DOCK2: variants seen among roughly 807,000 people sequenced by gnomAD.
DOCK2 encodes the protein dedicator of cytokinesis protein 2.
In DOCK2, 87 loss-of-function variants were observed where a neutral mutation model predicts 248.9. The ratio of observed to expected loss-of-function variants is 0.35; its 90% confidence interval spans 0.29 to 0.42. The LOEUF (loss-of-function observed/expected upper bound fraction) is 0.42. Ranked by LOEUF, DOCK2 falls within the 10% of genes least tolerant of loss-of-function variation. The probability of loss-of-function intolerance (pLI) is 1.00; values close to 1 mark genes in which losing one functional copy is unlikely to be tolerated. For missense variants in DOCK2, 1,747 were observed against 2,300.2 expected (o/e 0.76, Z 4.92); for synonymous variants, 805 against 821.6 (o/e 0.98, Z 0.35).
intron 27 of DOCK2, among the ~76,000 whole-genome samples, chr5:169,911,876 A>T (rs777713435): frequency 6.6e-6 from 1 of 152,222 alleles, no homozygotes; most frequent in Non-Finnish European, 1.5e-5. Context: ...TGCTGGGAAA[A>T]ATAATGCCCC....
rs115787877 is a variant in DOCK2, at chr5:170,020,503, G to A, written c.3381+1395G>A. On this transcript the variant is annotated intron_variant, in intron 33 of 51. Transcript: ENST00000520908. Reference sequence around the variant, plus strand: ...GACTTTAGATATTTACTACATATCAGGCATATGACACCTATTTTCTATGTA... The same window carrying A: ...GACTTTAGATATTTACTACATATCAAGCATATGACACCTATTTTCTATGTA... Among the ~76,000 whole-genome samples, 342 of 152,222 alleles carry A rather than the reference G, an allele frequency of 2.2e-3. 1 individual carries two copies. The highest frequency in any genetic ancestry group is 7.9e-3 in the African/African-American group (329 of 41,542).
rs142207778 is a variant in DOCK2, at chr5:169,855,413, G to C, written c.2799+14561G>C. The stretch of plus-strand genomic sequence containing the variant: ...CTGACTTTTTGGAAAGTGGCAAGGA[G>C]ATGGGGTTGGGGGAAGTAGACCAGT... On this transcript the variant is annotated intron_variant, in intron 27 of 51. Transcript: ENST00000520908. Among the ~76,000 whole-genome samples, 813 of 152,320 alleles carry C rather than the reference G, an allele frequency of 5.3e-3. 9 individuals carry two copies. Among genetic ancestry groups the C allele is most frequent in the African/African-American group, 0.017 (720 of 41,558 alleles).
chr5:169,975,573 A>G (rs11134601), intron 27 of DOCK2, among the ~76,000 whole-genome samples: 34,643 of 151,858 alleles, frequency 0.23, 4,715 homozygotes, highest in East Asian at 0.42. Flanking sequence ...CTTTGCATCT[A>G]CTGTTCTGCC....
At chr5:169,982,879 C>T (rs117200076) in intron 27 of DOCK2, among the ~76,000 whole-genome samples, 189 bp from the exon 28 acceptor site, 33 of 152,282 alleles carry the variant, frequency 2.2e-4, no homozygotes, top group African/African-American at 5.8e-4. Context: ...CCCCAGTGTG[C>T]GAACAGCAGG....
At chr5:170,030,816 T>C (rs766614118) in intron 34 of DOCK2, among the ~76,000 whole-genome samples, 9 of 152,200 alleles carry the variant, frequency 5.9e-5, no homozygotes, top group Non-Finnish European at 1.2e-4. Flanking sequence ...CCAGCCCCTC[T>C]TTCAGGGCCT....
At chr5:169,727,009 A>C (rs1762508258) in intron 22 of DOCK2, among the ~76,000 whole-genome samples, 1 of 151,770 alleles carries the variant, frequency 6.6e-6, no homozygotes. Context: ...TGGAGGTTGC[A>C]GTGAGCTGAG....
chr5:169,682,148 G>A (rs566527955), intron 7 of DOCK2, among the ~76,000 whole-genome samples: 16 of 152,318 alleles, frequency 1.1e-4, no homozygotes, highest in South Asian at 4.1e-4. Flanking sequence ...GAAGAAAGGC[G>A]ATAACAAAGT....
intron 26 of DOCK2, among the ~76,000 whole-genome samples, chr5:169,828,975 C>T (rs543135351): frequency 2.0e-5 from 3 of 152,086 alleles, no homozygotes; most frequent in Non-Finnish European, 4.4e-5. Flanking sequence ...GGGGCAGCTC[C>T]GAGTGGATTA....
intron 30 of DOCK2, among the ~76,000 whole-genome samples, chr5:170,006,223 G>A (rs1413054870): frequency 1.3e-5 from 2 of 152,232 alleles, no homozygotes; most frequent in Admixed American, 6.5e-5. Context: ...GTTTACATAA[G>A]CAACGTTGCT....
chr5:169,679,316 T>C (rs1759522621), intron 6 of DOCK2, among the ~76,000 whole-genome samples: 2 of 152,210 alleles, frequency 1.3e-5, no homozygotes, highest in Admixed American at 6.5e-5. Context: ...AAGAGAGCAC[T>C]GGGGTTACAT....
At position 169,985,928 on chromosome 5, in the gene DOCK2, C is replaced by A. The variant is rs770709591; in HGVS notation, c.2993+6C>A. 6.2e-7 allele frequency: 1 copy of A among 1,600,684 alleles called. No homozygotes were observed. Among genetic ancestry groups the A allele is most frequent in the Non-Finnish European group, 8.5e-7 (1 of 1,172,100 alleles). On this transcript the variant is annotated splice_donor_region_variant and intron_variant, in intron 29 of 51. Transcript: ENST00000520908. ...ATGAGCATGGTTCAAAACAGGTGAGCTGCTACCTGCTTCCGCAAAGCTACC... is the reference window on the plus strand; with the variant it reads ...ATGAGCATGGTTCAAAACAGGTGAGATGCTACCTGCTTCCGCAAAGCTACC...
intron 6 of DOCK2, among the ~76,000 whole-genome samples, 154 bp downstream of exon 6, chr5:169,674,599 G>T (rs1431325073): frequency 6.6e-6 from 1 of 152,170 alleles, no homozygotes; most frequent in African/African-American, 2.4e-5. Flanking sequence ...GCGTGCCGTT[G>T]TTACCACCCC....
intron 27 of DOCK2, among the ~76,000 whole-genome samples, chr5:169,933,388 A>G (rs1184865927): frequency 6.6e-6 from 1 of 152,228 alleles, no homozygotes; most frequent in Non-Finnish European, 1.5e-5. Flanking sequence ...ATGGGCTGGC[A>G]TCCAAGGTCC....
At chr5:169,647,357 G>A (rs937114433) in intron 1 of DOCK2, among the ~76,000 whole-genome samples, 14 of 152,040 alleles carry the variant, frequency 9.2e-5, no homozygotes, top group Non-Finnish European at 2.1e-4. Context: ...TGGGTGGGTG[G>A]GTAGATGAGT....
chr5:169,849,042 A>C (rs530503425), intron 27 of DOCK2, among the ~76,000 whole-genome samples: 2 of 152,240 alleles, frequency 1.3e-5, no homozygotes, highest in Admixed American at 1.3e-4. Flanking sequence ...AACTCCTCCC[A>C]ACCCCAGTCC....
chr5:169,720,638 G>A (rs1762144190), intron 22 of DOCK2, among the ~76,000 whole-genome samples: 1 of 152,198 alleles, frequency 6.6e-6, no homozygotes, highest in Non-Finnish European at 1.5e-5. Context: ...CCATGAGATG[G>A]ACACTGAGCG....
At chr5:169,807,694 C>T (rs148837241) in intron 26 of DOCK2, among the ~76,000 whole-genome samples, 4,344 of 151,530 alleles carry the variant, frequency 0.029, 78 homozygotes, top group Non-Finnish European at 0.043. Flanking sequence ...ATTAGCTGGG[C>T]GTGGTGGTGG....
chr5:169,714,265 T>A (rs898818969), intron 18 of DOCK2, 54 bp downstream of exon 18: 1 of 1,605,802 alleles, frequency 6.2e-7, no homozygotes, highest in African/African-American at 1.3e-5. Flanking sequence ...TCCGTGTGTG[T>A]GTACATGTGT....
intron 27 of DOCK2, among the ~76,000 whole-genome samples, chr5:169,944,733 T>G (rs1030652067): frequency 5.3e-5 from 8 of 152,234 alleles, no homozygotes; most frequent in African/African-American, 1.9e-4. Flanking sequence ...TCACCAGTGC[T>G]AGGAACCTTG....
Sources: allele counts gnomAD v4.1 joint callset (sites outside exome capture counted in the v4.1 genomes callset), GRCh38; gene constraint gnomAD v4.1.1; transcripts MANE v1.5; gene names NCBI Gene and HGNC (gene_info 2026-07-23, HGNC 2026-07-21).